Variants in EPB41L5 observed in about 807,000 individuals in gnomAD.
EPB41L5 encodes the protein erythrocyte membrane protein band 4.1 like 5.
EPB41L5 carries 55 observed loss-of-function variants against 106.6 expected under a neutral mutation model. The observed-to-expected ratio is 0.52, with a 90% confidence interval of 0.42 to 0.65. EPB41L5 has a LOEUF of 0.65. EPB41L5 is among the 30% of genes least tolerant of loss of function. EPB41L5 has a pLI of 0.00. For missense variants in EPB41L5, 871 were observed against 882.1 expected, an observed-to-expected ratio of 0.99 and a Z score of 0.16; for synonymous variants, 297 against 306.7, an observed-to-expected ratio of 0.97 and a Z score of 0.33.
Position 120,049,440 on chromosome 2 carries a change from C to T in EPB41L5, c.285+7330C>T, listed in dbSNP as rs189373386. ...AATGGCCTTCTTTGTCTCTTTTGAT[C>T]TTTGTTAGTTTCAAGTCTGTTTTAT... On this transcript the variant is annotated intron_variant, in intron 3 of 24. Coordinates refer to ENST00000263713, the MANE Select transcript of EPB41L5 (RefSeq NM_020909.4). Among the ~76,000 whole-genome samples, 679 of 152,182 alleles carry T rather than the reference C, an allele frequency of 4.5e-3. 4 individuals are homozygous for T. The highest frequency in any genetic ancestry group is 7.8e-3 in the Non-Finnish European group (528 of 67,996).
chr2:120,163,980 CT>C (rs70949387), intron 21 of EPB41L5, among the ~76,000 whole-genome samples: 49 of 68,148 alleles, frequency 7.2e-4, no homozygotes, highest in South Asian at 1.7e-3. Context: ...TTTGTATTTA[CT>C]TTTTTTTTTT....
chr2:120,146,360 G>T, intron 20 of EPB41L5, 71 bp downstream of exon 20: 1 of 1,121,398 alleles, frequency 8.9e-7, no homozygotes, highest in Non-Finnish European at 1.3e-6. Flanking sequence ...TTCTCAGTCT[G>T]TCACCACATG....
In EPB41L5 at chr2:120,026,075, G is replaced by A. The variant is rs184811010; in HGVS notation, c.180+6811G>A. The stretch of plus-strand genomic sequence containing the variant: ...ACTTGGGGAAGTGGGATTGCCATAT[G>A]CAAAAGAATGAAATTGGGCTCTCAC... On this transcript the variant is annotated intron_variant, in intron 2 of 24. Transcript: ENST00000263713. Among the ~76,000 whole-genome samples, 5 of 152,210 alleles carry A rather than the reference G, an allele frequency of 3.3e-5. No homozygotes were observed. In the East Asian group the frequency reaches 9.6e-4, roughly 29 times the overall value.
intron 20 of EPB41L5, among the ~76,000 whole-genome samples, chr2:120,158,852 C>G (rs996898655): frequency 2.6e-5 from 4 of 152,116 alleles, no homozygotes; most frequent in African/African-American, 9.7e-5. Flanking sequence ...ATAGTCTCAG[C>G]CTAAAAGCTC....
At chr2:120,174,631 T>C (rs1367894880) in intron 24 of EPB41L5, among the ~76,000 whole-genome samples, 1 of 152,210 alleles carries the variant, frequency 6.6e-6, no homozygotes, top group East Asian at 1.9e-4. Context: ...GCTGTCTTTA[T>C]ATTTTATTTC....
intron 21 of EPB41L5, 25 bp downstream of exon 21, chr2:120,160,999 A>C: frequency 6.3e-7 from 1 of 1,585,972 alleles, no homozygotes; most frequent in Non-Finnish European, 8.7e-7. Flanking sequence ...ACTTCTTAAA[A>C]TTTTTGCCAA....
At chr2:120,113,000 G>A (rs1684789268) in intron 16 of EPB41L5, among the ~76,000 whole-genome samples, 1 of 152,164 alleles carries the variant, frequency 6.6e-6, no homozygotes, top group Admixed American at 6.5e-5. Context: ...CCAGATTGTA[G>A]AGAGTAAAAA....
chr2:120,066,383 A>C (rs1428245474), intron 3 of EPB41L5, among the ~76,000 whole-genome samples: 1 of 152,238 alleles, frequency 6.6e-6, no homozygotes, highest in Non-Finnish European at 1.5e-5. Context: ...TTGACAAAAC[A>C]ATTTATAATG....
At chr2:120,049,105 G>A (rs1339335229) in intron 3 of EPB41L5, among the ~76,000 whole-genome samples, 1 of 152,198 alleles carries the variant, frequency 6.6e-6, no homozygotes, top group Non-Finnish European at 1.5e-5. Context: ...TTTGGAGTAA[G>A]TGTGATGTGG....
intron 2 of EPB41L5, among the ~76,000 whole-genome samples, chr2:120,032,994 G>A (rs1467339741): frequency 4.6e-5 from 7 of 152,080 alleles, no homozygotes; most frequent in African/African-American, 1.7e-4. Flanking sequence ...AAATTTTCCC[G>A]TATGTATTGT....
chr2:120,054,375 C>G (rs1028928589), intron 3 of EPB41L5, among the ~76,000 whole-genome samples: 1 of 152,178 alleles, frequency 6.6e-6, no homozygotes. Flanking sequence ...TGTCCTTTGA[C>G]AAAAGTTTTA....
intron 1 of EPB41L5, among the ~76,000 whole-genome samples, chr2:120,016,064 CAT>C (rs762198280): frequency 2.0e-4 from 30 of 152,260 alleles, no homozygotes; most frequent in Admixed American, 3.3e-4. Flanking sequence ...ACTTAAAGCA[CAT>C]GTGTGATTTT....
intron 14 of EPB41L5, among the ~76,000 whole-genome samples, chr2:120,099,272 G>T (rs1298749534): frequency 2.0e-5 from 3 of 149,118 alleles, no homozygotes; most frequent in African/African-American, 7.4e-5. Flanking sequence ...TTCTCATTTT[G>T]TTGTGAGTTA....
At chr2:120,015,652 A>G (rs922676756) in intron 1 of EPB41L5, among the ~76,000 whole-genome samples, 2 of 151,862 alleles carry the variant, frequency 1.3e-5, no homozygotes, top group African/African-American at 4.8e-5. Context: ...AAACAACTGT[A>G]TTATGGCTGG....
intron 10 of EPB41L5, among the ~76,000 whole-genome samples, chr2:120,083,398 C>T (rs921720935): frequency 6.6e-6 from 1 of 152,070 alleles, no homozygotes; most frequent in South Asian, 2.1e-4. Flanking sequence ...GTTCATTTTC[C>T]ATGTAGTTGA....
At chr2:120,093,113 C>T in intron 13 of EPB41L5, 136 bp from the exon 14 acceptor site, 1 of 764,992 alleles carries the variant, frequency 1.3e-6, no homozygotes, top group East Asian at 2.5e-5. Context: ...TCATGAAAGA[C>T]CCTTTCTCAA....
intron 20 of EPB41L5, among the ~76,000 whole-genome samples, chr2:120,150,213 T>C (rs986353702): frequency 1.1e-4 from 17 of 152,210 alleles, no homozygotes; most frequent in Admixed American, 5.9e-4. Flanking sequence ...TACTTTTGAT[T>C]TGCATTTCTC....
At chr2:120,051,438 G>A (rs535753139) in intron 3 of EPB41L5, among the ~76,000 whole-genome samples, 6 of 152,306 alleles carry the variant, frequency 3.9e-5, no homozygotes, top group African/African-American at 7.2e-5. Flanking sequence ...ATCTGTGAGC[G>A]TGGGACCCTC....
intron 2 of EPB41L5, among the ~76,000 whole-genome samples, chr2:120,030,623 G>A (rs1242056826): frequency 1.3e-5 from 2 of 152,156 alleles, no homozygotes; most frequent in Admixed American, 6.5e-5. Flanking sequence ...GTACAATCTT[G>A]GCTCACTACA....
Sources: allele counts gnomAD v4.1 joint callset (sites outside exome capture counted in the v4.1 genomes callset), GRCh38; gene constraint gnomAD v4.1.1; transcripts MANE v1.5; gene names NCBI Gene and HGNC (gene_info 2026-07-23, HGNC 2026-07-21).